The following ARL15 variants were observed in gnomAD, a reference collection of about 807,000 sequenced individuals.
The protein encoded by ARL15 is ARF like GTPase 15.
A neutral mutation model predicts 25.2 loss-of-function variants in ARL15; 19 were observed. The observed-to-expected ratio is 0.75, with a 90% confidence interval of 0.53 to 1.10. ARL15 has a LOEUF of 1.10. Ranked by LOEUF, ARL15 falls within the 50% of genes least tolerant of loss-of-function variation. The probability of loss-of-function intolerance (pLI) is 0.00; values close to 1 mark genes in which losing one functional copy is unlikely to be tolerated. For missense variants in ARL15, 220 were observed against 246.0 expected (o/e 0.89, Z 0.71); for synonymous variants, 94 against 86.8 (o/e 1.08, Z -0.46).
intron 4 of ARL15, among the ~76,000 whole-genome samples, chr5:54,110,635 G>A (rs895602983): frequency 6.6e-6 from 1 of 151,958 alleles, no homozygotes; most frequent in African/African-American, 2.4e-5. Context: ...ATTAGCAGGT[G>A]CAAATGAGTA....
At chr5:53,925,966 T>C (rs11747933) in intron 4 of ARL15, among the ~76,000 whole-genome samples, 7,897 of 151,322 alleles carry the variant, frequency 0.052, 272 homozygotes, top group Middle Eastern at 0.086. Flanking sequence ...TATATTGTTA[T>C]GAACCTCTAT....
At chr5:54,026,620 A>G (rs1296418538) in intron 4 of ARL15, among the ~76,000 whole-genome samples, 1 of 152,164 alleles carries the variant, frequency 6.6e-6, no homozygotes. Context: ...GAGCCAAGGG[A>G]AATTTTCTTG....
intron 4 of ARL15, among the ~76,000 whole-genome samples, chr5:54,052,234 C>T: frequency 6.6e-6 from 1 of 151,442 alleles, no homozygotes; most frequent in East Asian, 1.9e-4. Context: ...TTGCCAAAAC[C>T]CAAAGAACTT....
At chr5:53,951,172 C>T (rs985779215) in intron 4 of ARL15, among the ~76,000 whole-genome samples, 8 of 152,206 alleles carry the variant, frequency 5.3e-5, no homozygotes, top group Non-Finnish European at 1.5e-5. Flanking sequence ...TTGTCTATTG[C>T]AGCTGGGTAT....
intron 4 of ARL15, among the ~76,000 whole-genome samples, chr5:54,080,484 T>C (rs550383123): frequency 6.6e-6 from 1 of 152,278 alleles, no homozygotes; most frequent in South Asian, 2.1e-4. Context: ...ATAAAATCAT[T>C]TTTGCTTGTA....
At chr5:54,056,997 G>A (rs1049789051) in intron 4 of ARL15, among the ~76,000 whole-genome samples, 1 of 150,718 alleles carries the variant, frequency 6.6e-6, no homozygotes, top group African/African-American at 2.4e-5. Flanking sequence ...TACGAACATA[G>A]AATAATGCAA....
chr5:53,900,174 T>A (rs1694341740), intron 4 of ARL15, among the ~76,000 whole-genome samples: 1 of 152,216 alleles, frequency 6.6e-6, no homozygotes, highest in Non-Finnish European at 1.5e-5. Context: ...CAGAGGTTCA[T>A]AAGGTAATCA....
At chr5:54,132,769 G>C (rs1753477855) in intron 3 of ARL15, among the ~76,000 whole-genome samples, 1 of 152,124 alleles carries the variant, frequency 6.6e-6, no homozygotes, top group African/African-American at 2.4e-5. Flanking sequence ...TTTGTAAACT[G>C]TCATGGTGCT....
chr5:54,168,883 A>G (rs1473717521), intron 2 of ARL15, among the ~76,000 whole-genome samples: 1 of 152,236 alleles, frequency 6.6e-6, no homozygotes, highest in Non-Finnish European at 1.5e-5. Flanking sequence ...AGCCTGGAGT[A>G]TATTAAATAA....
At chr5:53,923,553 G>A (rs570443676) in intron 4 of ARL15, among the ~76,000 whole-genome samples, 28 of 152,122 alleles carry the variant, frequency 1.8e-4, no homozygotes, top group African/African-American at 6.5e-4. Context: ...TTTACCTAAA[G>A]GCATCTCCTT....
chr5:53,897,465 T>G (rs1357722240), intron 4 of ARL15, among the ~76,000 whole-genome samples: 1 of 152,268 alleles, frequency 6.6e-6, no homozygotes, highest in Non-Finnish European at 1.5e-5. Context: ...TGTGTGGATA[T>G]ATCCCATTTT....
At chr5:54,282,012 A>T (rs1383277015) in intron 1 of ARL15, among the ~76,000 whole-genome samples, 2 of 152,208 alleles carry the variant, frequency 1.3e-5, no homozygotes, top group Non-Finnish European at 2.9e-5. Context: ...GCTTTTATGA[A>T]TATTTCTACT....
intron 1 of ARL15, among the ~76,000 whole-genome samples, chr5:54,246,622 C>A (rs1394071599): frequency 6.6e-6 from 1 of 152,104 alleles, no homozygotes; most frequent in East Asian, 1.9e-4. Flanking sequence ...ACACATGATA[C>A]ACAGACAAGG....
At chr5:54,233,829 C>G (rs13354296) in intron 1 of ARL15, among the ~76,000 whole-genome samples, 1 of 152,062 alleles carries the variant, frequency 6.6e-6, no homozygotes, top group Admixed American at 6.5e-5. Context: ...AACCAAAACA[C>G]ACAACAGATT....
At chr5:53,938,251 A>G (rs1746416970) in intron 4 of ARL15, among the ~76,000 whole-genome samples, 1 of 1,974 alleles carries the variant, frequency 5.1e-4, no homozygotes, top group Non-Finnish European at 2.1e-3. Context: ...CATTCTGCTA[A>G]AAAAAAAAAA....
intron 3 of ARL15, among the ~76,000 whole-genome samples, chr5:54,144,128 G>C (rs1030831844): frequency 6.6e-6 from 1 of 151,714 alleles, no homozygotes; most frequent in Non-Finnish European, 1.5e-5. Context: ...GTTTATTTTT[G>C]TTTATAATAT....
intron 4 of ARL15, among the ~76,000 whole-genome samples, chr5:53,944,393 T>C (rs1286301748): frequency 6.6e-6 from 1 of 151,974 alleles, no homozygotes; most frequent in Non-Finnish European, 1.5e-5. Context: ...GGAGGATCGT[T>C]TGAGCCCAGG....
intron 4 of ARL15, among the ~76,000 whole-genome samples, chr5:53,962,704 T>C (rs1285207791): frequency 6.6e-6 from 1 of 152,160 alleles, no homozygotes; most frequent in East Asian, 1.9e-4. Flanking sequence ...GTGAACAGAT[T>C]TCATCATTTA....
At position 53,886,496 on chromosome 5, in the gene ARL15, A is replaced by C; in HGVS notation, c.*65T>G. 6.7e-7 allele frequency: 1 copy of C among 1,496,010 alleles called. No individual in the cohort carries two copies. Among genetic ancestry groups the C allele is most frequent in the Non-Finnish European group, 8.9e-7 (1 of 1,123,668 alleles). 92.7% of individuals were successfully genotyped at this position (1,496,010 alleles called of 1,614,324 possible). A position where few individuals can be genotyped will look rare whatever the true frequency, so the allele number is the denominator to read the frequency against. The stretch of plus-strand genomic sequence containing the variant: ...AATATAGTCTTGATACCAAAATAAA[A>C]TTAAAATGAGAAACTAACATGATAG... On this transcript the variant is annotated 3_prime_UTR_variant, in exon 5 of 5. Coordinates refer to ENST00000504924, the MANE Select transcript of ARL15 (RefSeq NM_019087.3).
Sources: gnomAD v4.1 joint callset for allele counts (sites outside exome capture counted in the v4.1 genomes callset) on GRCh38, gnomAD v4.1.1 for gene constraint, MANE v1.5 for transcripts, NCBI Gene and HGNC (gene_info 2026-07-23, HGNC 2026-07-21) for gene names.